DDX54: variants seen among roughly 807,000 people sequenced by gnomAD.
DDX54 encodes the protein ATP-dependent RNA helicase DDX54.
Under a neutral mutation model 105.5 loss-of-function variants are expected in DDX54, and 67 were observed. The observed-to-expected ratio is 0.64, with a 90% CI of 0.52 to 0.78. The LOEUF is 0.78. DDX54 is among the 30% of genes least tolerant of loss of function. The pLI is 0.00. For missense variants in DDX54, 1,206 were observed against 1,230.5 expected, an observed-to-expected ratio of 0.98 and a Z score of 0.30; for synonymous variants, 514 against 509.9, an observed-to-expected ratio of 1.01 and a Z score of -0.11.
chr12:113,185,103 G>C (rs1038223778), intron 1 of DDX54, among the ~76,000 whole-genome samples, 175 bp downstream of exon 1: 1 of 152,192 alleles, frequency 6.6e-6, no homozygotes, highest in Non-Finnish European at 1.5e-5. Context: ...CCCTGAGCCT[G>C]ACAAGCCCCG....
Position 113,158,690 on chromosome 12 carries a change from C to T in DDX54, c.*187G>A, listed in dbSNP as rs1952166372. 3.0e-6 allele frequency: 2 copies of T among 662,678 alleles called. No individual in the cohort carries two copies. Among genetic ancestry groups the T allele is most frequent in the East Asian group, 2.9e-5 (1 of 34,404 alleles). The allele number at this position is 662,678 out of a possible 1,614,324, so 41.0% of individuals were successfully genotyped here. ...ACCCTTCAAGGCCCTGTTCAAATGTCTCTGTCTTAGGCTGACGCAGCTGCT... is the reference window on the plus strand; with the variant it reads ...ACCCTTCAAGGCCCTGTTCAAATGTTTCTGTCTTAGGCTGACGCAGCTGCT... On this transcript the variant is annotated 3_prime_UTR_variant, in exon 20 of 20. Coordinates refer to ENST00000306014, the MANE Select transcript of DDX54 (RefSeq NM_024072.4). This position sits in a 1 kb window ranked among gnomAD's most constrained non-coding sequence, Gnocchi z 4.9.
chr12:113,185,145 C>G, intron 1 of DDX54, 133 bp downstream of exon 1: 2 of 1,194,138 alleles, frequency 1.7e-6, no homozygotes, highest in South Asian at 3.8e-5. Context: ...GTCCCAAGAC[C>G]GGTCCTCGGG....
intron 10 of DDX54, among the ~76,000 whole-genome samples, chr12:113,173,449 T>C (rs946001391): frequency 6.6e-5 from 10 of 152,060 alleles, no homozygotes; most frequent in African/African-American, 2.2e-4. Context: ...GTGTGTGGAG[T>C]AAGTGAAACC....
chr12:113,164,376 C>A (rs957875402), intron 14 of DDX54, 91 bp from the exon 15 acceptor site: 1 of 1,420,814 alleles, frequency 7.0e-7, no homozygotes, highest in East Asian at 2.5e-5. Context: ...GGCGTTCTTC[C>A]CCAAGTCTTC....
intron 12 of DDX54, 105 bp from the exon 13 acceptor site, chr12:113,166,137 A>C (rs1016391571): frequency 9.1e-7 from 1 of 1,099,900 alleles, no homozygotes; most frequent in Non-Finnish European, 1.3e-6. Context: ...ATCACAGGTA[A>C]ATGGCTACAA....
rs1160276047 is a variant in DDX54, at chr12:113,163,186, C to T, written c.2027G>A (p.Arg676Gln). 5.0e-6 allele frequency: 8 copies of T among 1,612,658 alleles called. No homozygotes were observed. The highest frequency in any genetic ancestry group is 1.3e-5 in the African/African-American group (1 of 74,922). ...AKRRREEARQ[R>Q]DQEFYIPYRP... ...GTAGGGGATGTAGAATTCCTGGTCC[C>T]GCTGCCGGGCCTCCTCCCTCCGCCT... The change falls in exon 16 of 20, where the codon CGG becomes CAG. Residue 676 changes from arginine to glutamine, a missense_variant. By Grantham distance (43) the Arg-to-Gln change is conservative. Around this residue, in one of 3 missense-constraint regions of DDX54, gnomAD observed 961 missense variants for 1,019.1 expected, o/e 0.94. Coordinates refer to ENST00000306014, the MANE Select transcript of DDX54 (RefSeq NM_024072.4). This position sits in a 1 kb window ranked among gnomAD's most constrained non-coding sequence, Gnocchi z 5.9.
At chr12:113,183,556 C>T (rs1427119614) in intron 1 of DDX54, among the ~76,000 whole-genome samples, 2 of 152,266 alleles carry the variant, frequency 1.3e-5, no homozygotes, top group Non-Finnish European at 2.9e-5. Flanking sequence ...TGGTGCCAGG[C>T]ACCCGCTGGG....
intron 6 of DDX54, 56 bp from the exon 7 acceptor site, chr12:113,176,991 C>T (rs1003580264): frequency 6.2e-7 from 1 of 1,613,492 alleles, no homozygotes; most frequent in Admixed American, 1.7e-5. Flanking sequence ...CACCACAGTT[C>T]TCTTACACCC....
Position 113,165,649 on chromosome 12 carries a change from G to A in DDX54, c.1714C>T (p.Arg572Trp), listed in dbSNP as rs774907322. ...CTCCACCCGGCCCCACTCACCGCCCGGGAGCGGTAGTTCTTTATGCTGTCC... is the reference window on the plus strand; with the variant it reads ...CTCCACCCGGCCCCACTCACCGCCCAGGAGCGGTAGTTCTTTATGCTGTCC... ...LVDSIKNYRS[R>W]ATIFEINASS... The change falls in exon 14 of 20, where the codon CGG (arginine) becomes TGG (tryptophan). Residue 572 changes from arginine (R) to tryptophan (W), a missense_variant. This residue lies in a region of DDX54 where 961 missense variants were observed against 1,019.1 expected (regional missense o/e 0.94). Transcript: ENST00000306014. 1.2e-5 allele frequency: 20 copies of A among 1,608,614 alleles called. No homozygotes were observed. The highest frequency in any genetic ancestry group is 5.3e-5 in the African/African-American group (4 of 74,844).
chr12:113,163,369 G>A lies in DDX54; in HGVS notation c.1939-95C>T. The A allele has an allele frequency of 1.3e-6, 2 of 1,499,762 alleles. No individual in the cohort carries two copies. The highest frequency in any genetic ancestry group is 2.6e-5 in the South Asian group (2 of 77,018). The allele number at this position is 1,499,762 out of a possible 1,614,324, so 92.9% of individuals were successfully genotyped here. On this transcript the variant is annotated intron_variant, in intron 15 of 19. Coordinates refer to ENST00000306014, the MANE Select transcript of DDX54 (RefSeq NM_024072.4). This position sits in a 1 kb window ranked among gnomAD's most constrained non-coding sequence, Gnocchi z 5.9. ...CCCACCAGCCTGGCCACAGTGAGGG[G>A]CCAGTGGCTTCTCGGGGACTTTCAA...
intron 10 of DDX54, 29 bp downstream of exon 10, chr12:113,174,611 G>T (rs780043258): frequency 1.2e-6 from 2 of 1,603,594 alleles, no homozygotes; most frequent in Non-Finnish European, 8.5e-7. Context: ...GCTGAAGGAG[G>T]TGCTCCTCCC....
chr12:113,180,259 G>A (rs1952451301), intron 2 of DDX54, among the ~76,000 whole-genome samples: 1 of 152,148 alleles, frequency 6.6e-6, no homozygotes, highest in South Asian at 2.1e-4. Flanking sequence ...ACACTAACGG[G>A]GTCTTAGGTG....
chr12:113,162,107 T>C (rs980891604), intron 17 of DDX54, 110 bp from the exon 18 acceptor site: 1 of 1,040,530 alleles, frequency 9.6e-7, no homozygotes, highest in South Asian at 1.3e-5. Context: ...TGTTGGAGCA[T>C]TAAAGGAAAG....
Position 113,158,801 on chromosome 12 carries a change from C to T in DDX54, c.*76G>A, listed in dbSNP as rs1952167146. 6.8e-7 allele frequency: 1 copy of T among 1,468,074 alleles called. No homozygotes were observed. The highest frequency in any genetic ancestry group is 2.3e-5 in the East Asian group (1 of 42,708). The allele number at this position is 1,468,074 out of a possible 1,614,324, so 90.9% of individuals were successfully genotyped here. On this transcript the variant is annotated 3_prime_UTR_variant, in exon 20 of 20. Transcript: ENST00000306014. The surrounding 1 kb of genome is among the most constrained non-coding windows in gnomAD (Gnocchi z 4.9). ...CCAGTGCCCAGCACAGGGCCAGGCA[C>T]ACAGTGGTGCACGGGAACGTCTGCT...
chr12:113,169,972 G>C, intron 11 of DDX54, 68 bp from the exon 12 acceptor site: 1 of 1,583,986 alleles, frequency 6.3e-7, no homozygotes, highest in South Asian at 1.2e-5. Context: ...AGTTCCACAG[G>C]CCAGACCCTG....
intron 7 of DDX54, 96 bp from the exon 8 acceptor site, chr12:113,175,253 CCAGGGCTTGCCTCACT>C (rs1952390153): frequency 6.8e-7 from 1 of 1,466,050 alleles, no homozygotes; most frequent in Admixed American, 2.5e-5. Context: ...CTGCAGTGTC[CCAGGGCTTGCCTCACT>C]CTAACTCAGC....
chr12:113,181,011 G>C lies in DDX54; in HGVS notation c.222C>G (p.Thr74=). 6.2e-7 allele frequency: 1 copy of C among 1,613,544 alleles called. No homozygotes were observed. ...PLPTFPTSEC[T]SDVEPDTREM... ...CCCGGGTGTCCGGCTCCACATCCGA[G>C]GTGCATTCCGAGGTGGGGAAGGTGG... The change falls in exon 2 of 20, where the codon ACC becomes ACG. Residue 74 remains threonine (T), a synonymous_variant. Transcript: ENST00000306014.
intron 18 of DDX54, 125 bp downstream of exon 18, chr12:113,161,768 T>G (rs1952211101): frequency 2.8e-6 from 2 of 716,098 alleles, no homozygotes; most frequent in Non-Finnish European, 4.4e-6. Flanking sequence ...ATGCGGCTGC[T>G]TAAGCCGCTC....
rs1349442661 is a variant in DDX54, at chr12:113,166,151, A to C, written c.1415-119T>G. ...AATCACAGGTAAATGGCTACAAAAT[A>C]ATCACTGCAAAGAACACCAGCACTC... On this transcript the variant is annotated intron_variant, in intron 12 of 19. Coordinates refer to ENST00000306014, the MANE Select transcript of DDX54 (RefSeq NM_024072.4). 6 of 956,894 alleles carry C rather than the reference A, an allele frequency of 6.3e-6. No homozygotes were observed. In the Admixed American group the frequency reaches 1.3e-4, roughly 20 times the overall value. The allele number at this position is 956,894 out of a possible 1,614,324, so 59.3% of individuals were successfully genotyped here. A position where few individuals can be genotyped will look rare whatever the true frequency, so the allele number is the denominator to read the frequency against.
Sources: gnomAD v4.1 joint callset for allele counts (sites outside exome capture counted in the v4.1 genomes callset) on GRCh38, gnomAD v4.1.1 for gene constraint, gnomAD v4.1.1 regional missense constraint, Gnocchi (gnomAD v3.1) non-coding constraint, MANE v1.5 for transcripts, NCBI Gene and HGNC (gene_info 2026-07-23, HGNC 2026-07-21) for gene names.